XKR6: variants seen among roughly 807,000 people sequenced by gnomAD.
The protein encoded by XKR6 is XK-related protein 6.
A neutral mutation model predicts 56.7 loss-of-function variants in XKR6; 22 were observed. That is an observed-to-expected ratio of 0.39 (90% CI 0.28 to 0.55). The LOEUF is 0.55. Ranked by LOEUF, XKR6 falls within the 20% of genes least tolerant of loss-of-function variation. XKR6 has a pLI of 0.66. For missense variants in XKR6, 852 were observed against 889.0 expected, an observed-to-expected ratio of 0.96 and a Z score of 0.53; for synonymous variants, 524 against 387.8, an observed-to-expected ratio of 1.35 and a Z score of -4.13.
At chr8:11,143,164 C>T (rs1800789685) in intron 1 of XKR6, among the ~76,000 whole-genome samples, 2 of 152,000 alleles carry the variant, frequency 1.3e-5, no homozygotes, top group South Asian at 4.2e-4. Flanking sequence ...AGGCACTGAG[C>T]ATCAATAGCT....
At chr8:11,037,726 C>T (rs573447440) in intron 1 of XKR6, among the ~76,000 whole-genome samples, 118 of 152,266 alleles carry the variant, frequency 7.7e-4, no homozygotes, top group African/African-American at 2.6e-3. Flanking sequence ...GGCATGGTGG[C>T]GTGCGCCTGT....
intron 1 of XKR6, among the ~76,000 whole-genome samples, chr8:10,981,252 A>C (rs543009666): frequency 1.3e-5 from 2 of 152,326 alleles, no homozygotes; most frequent in East Asian, 3.9e-4. Context: ...CGAGGGGGTA[A>C]ATAGATTTTC....
chr8:11,079,687 C>T (rs1046545055), intron 1 of XKR6, among the ~76,000 whole-genome samples: 4 of 152,204 alleles, frequency 2.6e-5, no homozygotes, highest in African/African-American at 2.4e-5. Context: ...GGACCAGGCA[C>T]GGTGGTTCAT....
intron 1 of XKR6, among the ~76,000 whole-genome samples, chr8:11,115,943 T>G (rs2129181505): frequency 6.6e-6 from 1 of 152,370 alleles, no homozygotes; most frequent in East Asian, 1.9e-4. Context: ...GACTCTGAAG[T>G]TCATAGGTCT....
chr8:10,924,899 TC>T, intron 1 of XKR6, 69 bp from the exon 2 acceptor site: 1 of 1,506,220 alleles, frequency 6.6e-7, no homozygotes. Context: ...ACCCTTGCCA[TC>T]CCCCTAAAAC....
At chr8:11,034,140 G>C (rs555221360) in intron 1 of XKR6, among the ~76,000 whole-genome samples, 54 of 152,322 alleles carry the variant, frequency 3.5e-4, no homozygotes, top group Middle Eastern at 3.4e-3. Context: ...CATGGCCTGT[G>C]TAGGAGATAA....
chr8:11,194,022 G>C (rs764775163), intron 1 of XKR6, among the ~76,000 whole-genome samples: 3 of 152,116 alleles, frequency 2.0e-5, no homozygotes, highest in Non-Finnish European at 4.4e-5. Context: ...CCTATACATA[G>C]GTGACACAAA....
chr8:11,191,336 T>C (rs1020480072), intron 1 of XKR6, among the ~76,000 whole-genome samples: 3 of 152,038 alleles, frequency 2.0e-5, no homozygotes, highest in African/African-American at 7.2e-5. Flanking sequence ...TAAACGGTAT[T>C]TAGGAAAAGA....
chr8:11,109,153 T>G (rs1798795393), intron 1 of XKR6: 1 of 152,212 alleles, frequency 6.6e-6, no homozygotes, highest in African/African-American at 2.4e-5. Flanking sequence ...ACATAAAATC[T>G]GAATAAAAGT....
chr8:11,113,435 C>T (rs1799004479), intron 1 of XKR6, among the ~76,000 whole-genome samples: 1 of 152,148 alleles, frequency 6.6e-6, no homozygotes, highest in South Asian at 2.1e-4. Flanking sequence ...GTATTATCTT[C>T]AACCAAAAAA....
At chr8:11,121,297 C>G (rs1027208639) in intron 1 of XKR6, among the ~76,000 whole-genome samples, 47 of 152,110 alleles carry the variant, frequency 3.1e-4, no homozygotes, top group African/African-American at 9.4e-4. Context: ...ATCTGACAAA[C>G]GGCTAATATC....
intron 1 of XKR6, among the ~76,000 whole-genome samples, chr8:11,134,705 C>T (rs926265998): frequency 3.3e-5 from 5 of 152,122 alleles, no homozygotes; most frequent in African/African-American, 4.8e-5. Context: ...CACGCACACA[C>T]ACACACACAC....
intron 1 of XKR6, among the ~76,000 whole-genome samples, chr8:11,193,492 T>C (rs943084826): frequency 6.6e-6 from 1 of 152,194 alleles, no homozygotes; most frequent in Non-Finnish European, 1.5e-5. Flanking sequence ...TTAATGTCAC[T>C]GTAACAATAG....
intron 1 of XKR6, among the ~76,000 whole-genome samples, chr8:11,110,080 C>A (rs573355523): frequency 1.3e-5 from 2 of 152,302 alleles, no homozygotes; most frequent in Non-Finnish European, 2.9e-5. Flanking sequence ...TCAAGCAATT[C>A]TCCTGCCTTA....
chr8:11,075,641 T>C (rs1203011676), intron 1 of XKR6, among the ~76,000 whole-genome samples: 1 of 152,078 alleles, frequency 6.6e-6, no homozygotes, highest in Non-Finnish European at 1.5e-5. Flanking sequence ...TCCCAGCACT[T>C]TGGGAGGCTG....
chr8:11,126,324 C>A (rs1216342016), intron 1 of XKR6, among the ~76,000 whole-genome samples: 2 of 152,154 alleles, frequency 1.3e-5, no homozygotes, highest in African/African-American at 4.8e-5. Context: ...CCTCGGCCTC[C>A]CAAAGTGCTG....
intron 1 of XKR6, among the ~76,000 whole-genome samples, chr8:10,941,661 C>G (rs1320138884): frequency 6.6e-6 from 1 of 152,214 alleles, no homozygotes; most frequent in East Asian, 1.9e-4. Context: ...GGGCTTCAGC[C>G]CCAGCCTCCT....
intron 1 of XKR6, among the ~76,000 whole-genome samples, chr8:11,050,853 C>T (rs1799529486): frequency 6.6e-6 from 1 of 152,116 alleles, no homozygotes; most frequent in African/African-American, 2.4e-5. Context: ...AGTGCTGCTC[C>T]CCACTCCTCC....
chr8:11,192,367 T>A lies in XKR6; in HGVS notation c.764+8209A>T, dbSNP rs552558803. 3.9e-5 allele frequency among the ~76,000 whole-genome samples: 6 copies of A among 152,140 alleles called. No homozygotes were observed. The East Asian group carries it at 9.7e-4, about 25-fold the overall frequency. On this transcript the variant is annotated intron_variant, in intron 1 of 2. Transcript: ENST00000416569. ...AGAGACACCATGTTAGCCAGGATGG[T>A]CTCGATCTCCTGACCTCGTGATCCA... is the stretch of plus-strand genomic sequence containing the variant.
Sources: gnomAD v4.1 joint callset for allele counts (sites outside exome capture counted in the v4.1 genomes callset) on GRCh38, gnomAD v4.1.1 for gene constraint, MANE v1.5 for transcripts, NCBI Gene and HGNC (gene_info 2026-07-23, HGNC 2026-07-21) for gene names.